PHLDB3: variants seen among roughly 807,000 people sequenced by gnomAD.
PHLDB3 encodes the protein pleckstrin homology like domain family B member 3.
Under a neutral mutation model 85.7 loss-of-function variants are expected in PHLDB3, and 86 were observed. The observed-to-expected ratio is 1.00, with a 90% confidence interval of 0.84 to 1.20. PHLDB3 has a LOEUF of 1.20. PHLDB3 is among the 50% of genes most tolerant of loss of function. The pLI, the probability that PHLDB3 is intolerant of heterozygous loss-of-function variation, is 0.00. For synonymous variants in PHLDB3, 376 were observed against 349.8 expected (o/e 1.07, Z -0.83); for missense variants, 995 against 873.0 (o/e 1.14, Z -1.76).
At chr19:43,487,574 C>CAAAAAAAAAAAAAAAAAAAAAAAAAA (rs760708749) in intron 9 of PHLDB3, among the ~76,000 whole-genome samples, 3 of 38,516 alleles carry the variant, frequency 7.8e-5, no homozygotes, top group Non-Finnish European at 1.0e-4. Flanking sequence ...GACTCTGTCT[C>CAAAAAAAAAAAAAAAAAAAAAAAAAA]AAAAAAAAAA....
intron 15 of PHLDB3, among the ~76,000 whole-genome samples, chr19:43,477,473 C>T (rs1213681137): frequency 6.1e-5 from 9 of 147,220 alleles, no homozygotes; most frequent in South Asian, 4.3e-4. Flanking sequence ...GCCAAGATGG[C>T]GCCACCGCAC....
intron 9 of PHLDB3, among the ~76,000 whole-genome samples, chr19:43,493,775 A>G (rs534821703): frequency 2.0e-5 from 3 of 152,292 alleles, no homozygotes; most frequent in East Asian, 3.9e-4. Context: ...TGTCCCAAAT[A>G]TATCATTTTT....
intron 15 of PHLDB3, among the ~76,000 whole-genome samples, chr19:43,476,121 C>T (rs1042039456): frequency 6.6e-5 from 10 of 152,064 alleles, no homozygotes; most frequent in African/African-American, 2.2e-4. Context: ...GGACTTATGA[C>T]GCCTTCTCTC....
chr19:43,484,557 A>C (rs1971113325), intron 13 of PHLDB3, among the ~76,000 whole-genome samples: 1 of 151,874 alleles, frequency 6.6e-6, no homozygotes, highest in South Asian at 2.1e-4. Flanking sequence ...AAAACAAACA[A>C]AAAAAATAAA....
intron 2 of PHLDB3, 25 bp downstream of exon 2, chr19:43,503,881 G>C: frequency 6.2e-7 from 1 of 1,612,978 alleles, no homozygotes; most frequent in Non-Finnish European, 8.5e-7. Context: ...CAAGCCCCCC[G>C]CGCTGTCGCC....
intron 9 of PHLDB3, among the ~76,000 whole-genome samples, chr19:43,490,770 C>T (rs1050082141): frequency 3.9e-5 from 6 of 152,114 alleles, no homozygotes; most frequent in Non-Finnish European, 7.3e-5. Flanking sequence ...CTGCAGGGCA[C>T]TTATGTTGTA....
At chr19:43,504,425 T>TAGAGA (rs1971705222) in intron 1 of PHLDB3, 164 bp downstream of exon 1, 1 of 493,266 alleles carries the variant, frequency 2.0e-6, no homozygotes, top group African/African-American at 2.0e-5. Context: ...GTGTCAGGCC[T>TAGAGA]TGTACCCTCC....
intron 1 of PHLDB3, chr19:43,504,387 G>T (rs1971704157): frequency 3.5e-5 from 19 of 545,614 alleles, no homozygotes; most frequent in East Asian, 3.2e-4. Flanking sequence ...TGACCTCTTC[G>T]ACCCCGCCTC....
Position 43,479,458 on chromosome 19 carries a change from T to C in PHLDB3, c.1621A>G (p.Lys541Glu), listed in dbSNP as rs1970994575. The stretch of plus-strand genomic sequence containing the variant: ...CAGGTCTTGATGCGGCCGCCCATCT[T>C]CACCAGGGGTCCACGGCAGCAGCAC... ...SGCCCRGPLV[K>E]MGGRIKTWRK... Residue 541 changes from lysine to glutamate, a missense_variant, in exon 14 of 16, where the codon AAG becomes GAG. Transcript: ENST00000292140. 6.4e-7 allele frequency: 1 copy of C among 1,565,092 alleles called. No homozygotes were observed. Among genetic ancestry groups the C allele is most frequent in the Non-Finnish European group, 8.7e-7 (1 of 1,155,270 alleles).
rs1262813571 is a variant in PHLDB3, at chr19:43,497,145, T to A, written c.798A>T (p.Glu266Asp). The change falls in exon 6 of 16, where the codon GAA (glutamate) becomes GAT (aspartate). Residue 266 changes from glutamate to aspartate, a missense_variant. Coordinates refer to ENST00000292140, the MANE Select transcript of PHLDB3 (RefSeq NM_198850.4). ...GPQVPDPKVQ[E>D]LQASMAQHRR... ...TGTGCTGCGCCATGCTGGCCTGGAG[T>A]TCCTGGACCTTGGGGTCTGGCACCT... 13 of 1,546,464 alleles carry A rather than the reference T, an allele frequency of 8.4e-6. No individual in the cohort carries two copies. The highest frequency in any genetic ancestry group is 1.1e-5 in the Non-Finnish European group (13 of 1,150,196).
chr19:43,491,571 A>C (rs1050856205), intron 9 of PHLDB3, among the ~76,000 whole-genome samples: 8 of 151,522 alleles, frequency 5.3e-5, no homozygotes, highest in South Asian at 4.2e-4. Flanking sequence ...GTGCGACCTT[A>C]GCTCACCGAA....
intron 9 of PHLDB3, among the ~76,000 whole-genome samples, chr19:43,491,944 C>CG (rs140631274): frequency 2.4e-4 from 16 of 67,868 alleles, no homozygotes; most frequent in African/African-American, 1.3e-3. Context: ...TGCACCTGGC[C>CG]GTTTTTTTTT....
intron 13 of PHLDB3, chr19:43,485,895 G>T: frequency 1.1e-6 from 1 of 875,982 alleles, no homozygotes; most frequent in Non-Finnish European, 1.4e-6. Flanking sequence ...CATGGACTGG[G>T]CATGGTGGTT....
chr19:43,504,259 A>C (rs1006618483), intron 1 of PHLDB3, 127 bp from the exon 2 acceptor site: 21 of 844,334 alleles, frequency 2.5e-5, no homozygotes, highest in South Asian at 5.4e-5. Flanking sequence ...AAAGGATGGA[A>C]CTGAGCGTTA....
chr19:43,497,536 A>AC (rs1452048271), intron 5 of PHLDB3, among the ~76,000 whole-genome samples: 1 of 151,938 alleles, frequency 6.6e-6, no homozygotes, highest in East Asian at 1.9e-4. Flanking sequence ...AAATAGTGAA[A>AC]CCCCGTCTCT....
At chr19:43,491,105 CA>C (rs1285525909) in intron 9 of PHLDB3, among the ~76,000 whole-genome samples, 9 of 152,176 alleles carry the variant, frequency 5.9e-5, no homozygotes, top group Admixed American at 5.9e-4. Flanking sequence ...GTGACAACTC[CA>C]TAGGACTGGA....
At chr19:43,501,175 C>CTTTTTT (rs59042804) in intron 4 of PHLDB3, among the ~76,000 whole-genome samples, 1 of 83,600 alleles carries the variant, frequency 1.2e-5, no homozygotes, top group Non-Finnish European at 2.2e-5. Flanking sequence ...TTCTTTTTCT[C>CTTTTTT]TTTTTTTTTT....
intron 9 of PHLDB3, among the ~76,000 whole-genome samples, chr19:43,493,698 T>C (rs1971375878): frequency 1.3e-5 from 2 of 152,062 alleles, no homozygotes; most frequent in Non-Finnish European, 2.9e-5. Context: ...CTTGAGGTGA[T>C]AGATACCCCA....
At chr19:43,486,155 A>G (rs1249485663) in intron 13 of PHLDB3, 111 bp downstream of exon 13, 1 of 1,398,236 alleles carries the variant, frequency 7.2e-7, no homozygotes, top group Non-Finnish European at 9.3e-7. Flanking sequence ...AGCCCAGGAC[A>G]ATTTTCTGTT....
Sources: gnomAD v4.1 joint callset for allele counts (sites outside exome capture counted in the v4.1 genomes callset) on GRCh38, gnomAD v4.1.1 for gene constraint, MANE v1.5 for transcripts, NCBI Gene and HGNC (gene_info 2026-07-23, HGNC 2026-07-21) for gene names.